MEF2A: variants seen among roughly 807,000 people sequenced by gnomAD.
MEF2A encodes myocyte-specific enhancer factor 2A.
Under a neutral mutation model 55.8 loss-of-function variants are expected in MEF2A, and 28 were observed. The ratio of observed to expected loss-of-function variants is 0.50; its 90% CI spans 0.37 to 0.69. The LOEUF is 0.69. Among genes scored for constraint, MEF2A ranks in the 30% least tolerant of loss-of-function variants. The probability of loss-of-function intolerance (pLI) is 0.00; values close to 1 mark genes in which losing one functional copy is unlikely to be tolerated. For missense variants in MEF2A, 528 were observed against 626.2 expected, an observed-to-expected ratio of 0.84 and a Z score of 1.67; for synonymous variants, 239 against 227.1, an observed-to-expected ratio of 1.05 and a Z score of -0.47.
chr15:99,641,040 G>C (rs775999477), intron 3 of MEF2A, among the ~76,000 whole-genome samples: 1 of 152,016 alleles, frequency 6.6e-6, no homozygotes, highest in Non-Finnish European at 1.5e-5. Context: ...ACTAGTTTGC[G>C]TGATCCCAGT....
intron 1 of MEF2A, among the ~76,000 whole-genome samples, chr15:99,571,917 G>A (rs866754422): frequency 1.3e-5 from 2 of 151,798 alleles, no homozygotes; most frequent in Non-Finnish European, 2.9e-5. Flanking sequence ...CTTAGTCTTC[G>A]TTGCCACCTC....
rs887533760 is a variant in MEF2A at position 99,706,914 on chromosome 15, G to A, written c.1009+59G>A. The A allele has an allele frequency of 2.0e-6, 3 of 1,538,344 alleles. 1 individual carries two copies. Among genetic ancestry groups the A allele is most frequent in the South Asian group, 2.5e-5 (2 of 80,072 alleles). On this transcript the variant is annotated intron_variant, in intron 10 of 11. Coordinates refer to ENST00000557942, the MANE Select transcript of MEF2A (RefSeq NM_001319206.4). ...CCGCTCTCTGTTTTGTGATCAACGT[G>A]TGCTTCTGTGATTTTTTTTAAGTAT...
chr15:99,569,416 G>A (rs750305495), intron 1 of MEF2A, among the ~76,000 whole-genome samples: 54 of 152,304 alleles, frequency 3.5e-4, no homozygotes, highest in African/African-American at 8.7e-4. Context: ...TGTATCAATA[G>A]AGAATGCTTA....
At chr15:99,565,690 C>T (rs1959169165), upstream of MEF2A, 1 of 152,374 alleles carries the variant, frequency 6.6e-6, no homozygotes, top group South Asian at 2.1e-4. Flanking sequence ...CCTCACCCAC[C>T]CGGAAAAACA....
rs189811777 is a variant in MEF2A, at chr15:99,615,837, T to C, written c.-142-17141T>C. On this transcript the variant is annotated intron_variant, in intron 2 of 11. Coordinates refer to ENST00000557942, the MANE Select transcript of MEF2A (RefSeq NM_001319206.4). ...ATAGGTGATTTGATACAGTCTCTTA[T>C]TTACATCAACATTCACATGGCCTGT... Among the ~76,000 whole-genome samples, 10 of 152,332 alleles carry C rather than the reference T, an allele frequency of 6.6e-5. No individual in the cohort carries two copies. The East Asian group carries it at 1.7e-3, about 26-fold the overall frequency.
At chr15:99,565,950 A>G, upstream of MEF2A, 1 of 152,338 alleles carries the variant, frequency 6.6e-6, no homozygotes, top group South Asian at 2.1e-4. Context: ...GGTCTGGCCG[A>G]GGCTTGTCTC....
intron 4 of MEF2A, among the ~76,000 whole-genome samples, chr15:99,652,217 G>C (rs1047954657): frequency 1.3e-5 from 2 of 152,148 alleles, no homozygotes; most frequent in Non-Finnish European, 2.9e-5. Flanking sequence ...AATGTGGACA[G>C]GGAGATGGTT....
intron 4 of MEF2A, among the ~76,000 whole-genome samples, chr15:99,648,841 A>G (rs1165097076): frequency 6.6e-6 from 1 of 152,178 alleles, no homozygotes; most frequent in Non-Finnish European, 1.5e-5. Flanking sequence ...TGTAGTCTGT[A>G]GTACAGGACG....
At chr15:99,652,033 G>A (rs933967455) in intron 4 of MEF2A, among the ~76,000 whole-genome samples, 2 of 152,160 alleles carry the variant, frequency 1.3e-5, no homozygotes, top group Non-Finnish European at 2.9e-5. Context: ...CAGATAAAGT[G>A]TTCCTTTTTC....
chr15:99,640,746 A>T (rs1030245158), intron 3 of MEF2A, among the ~76,000 whole-genome samples: 3 of 151,466 alleles, frequency 2.0e-5, no homozygotes, highest in African/African-American at 7.3e-5. Context: ...GTGAGGTCTC[A>T]CCATGTTGCC....
intron 3 of MEF2A, among the ~76,000 whole-genome samples, chr15:99,640,151 A>G (rs2044616478): frequency 1.3e-5 from 2 of 152,150 alleles, no homozygotes; most frequent in Non-Finnish European, 2.9e-5. Context: ...GGATGCATGC[A>G]TCTCCATATA....
intron 5 of MEF2A, 41 bp downstream of exon 5, chr15:99,671,495 C>A (rs759238150): frequency 6.2e-7 from 1 of 1,613,696 alleles, no homozygotes; most frequent in South Asian, 1.1e-5. Context: ...ATTTGTTGAT[C>A]CTTTTTGTTA....
At chr15:99,703,481 A>G in intron 9 of MEF2A, 96 bp downstream of exon 9, 1 of 1,302,532 alleles carries the variant, frequency 7.7e-7, no homozygotes, top group Non-Finnish European at 1.0e-6. Context: ...CCTTTGTTAC[A>G]CAAATTTTTT....
Position 99,712,498 on chromosome 15 carries a change from G to A in MEF2A, c.1245G>A (p.Ser415=), listed in dbSNP as rs3730059. ...ISPPRDRMTP[S]GFQQQQQQQQ... ...CTCCTCGGGATCGTATGACCCCATC[G>A]GGCTTCCAGCAGCAGCAGCAGCAGC... Residue 415 remains serine (S), a synonymous_variant, in exon 12 of 12, where the codon TCG becomes TCA. Transcript: ENST00000557942. This position sits in a 1 kb window ranked among gnomAD's most constrained non-coding sequence, Gnocchi z 4.1. The A allele has an allele frequency of 0.028, 43,886 of 1,544,880 alleles. 732 individuals carry two copies. Among genetic ancestry groups the A allele is most frequent in the Non-Finnish European group, 0.034 (39,227 of 1,144,972 alleles).
chr15:99,577,118 G>T (rs1964545229), intron 1 of MEF2A, among the ~76,000 whole-genome samples: 1 of 152,138 alleles, frequency 6.6e-6, no homozygotes, highest in Admixed American at 6.5e-5. Context: ...TGATATGATA[G>T]CTAGATCCTT....
At chr15:99,581,915 A>C (rs183871329) in intron 1 of MEF2A, among the ~76,000 whole-genome samples, 2 of 152,140 alleles carry the variant, frequency 1.3e-5, no homozygotes, top group Non-Finnish European at 1.5e-5. Context: ...AGTTTGAGCA[A>C]AAGAGCCAAA....
chr15:99,716,363 T>G lies in MEF2A; in HGVS notation c.*3592T>G, dbSNP rs777249926. On this transcript the variant is annotated 3_prime_UTR_variant, in exon 12 of 12. Coordinates refer to ENST00000557942, the MANE Select transcript of MEF2A (RefSeq NM_001319206.4). ...TCAATTTTTCCCTGAATGTGTTGTT[T>G]TTCTTCATTATACAATAAATATAAT... 1 of 359,330 alleles carries G rather than the reference T, an allele frequency of 2.8e-6. No individual in the cohort carries two copies. The highest frequency in any genetic ancestry group is 5.6e-6 in the Non-Finnish European group (1 of 179,112). 22.3% of individuals were successfully genotyped at this position (359,330 alleles called of 1,614,324 possible).
intron 1 of MEF2A, among the ~76,000 whole-genome samples, chr15:99,588,063 T>C (rs1967959603): frequency 6.6e-6 from 1 of 152,182 alleles, no homozygotes; most frequent in Non-Finnish European, 1.5e-5. Context: ...AGGTTTTCTG[T>C]GGATGCTCTT....
intron 1 of MEF2A, among the ~76,000 whole-genome samples, chr15:99,577,272 T>G (rs1467327542): frequency 6.6e-6 from 1 of 152,242 alleles, no homozygotes; most frequent in Non-Finnish European, 1.5e-5. Flanking sequence ...AACTATTGTG[T>G]TACTTTGGCT....
Sources: gnomAD v4.1 joint callset for allele counts (sites outside exome capture counted in the v4.1 genomes callset) on GRCh38, gnomAD v4.1.1 for gene constraint, Gnocchi (gnomAD v3.1) non-coding constraint, MANE v1.5 for transcripts, NCBI Gene and HGNC (gene_info 2026-07-23, HGNC 2026-07-21) for gene names.